Variants in RUFY4 observed in about 807,000 individuals in gnomAD.
RUFY4 encodes the protein RUN and FYVE domain-containing protein 4.
Under a neutral mutation model 69.0 loss-of-function variants are expected in RUFY4, and 73 were observed. The observed-to-expected ratio is 1.06, with a 90% CI of 0.88 to 1.29. RUFY4 has a LOEUF of 1.29. Ranked by LOEUF, RUFY4 falls within the 50% of genes most tolerant of loss-of-function variation. RUFY4 has a pLI of 0.00. For synonymous variants in RUFY4, 287 were observed against 271.8 expected, an observed-to-expected ratio of 1.06 and a Z score of -0.55; for missense variants, 770 against 705.6, an observed-to-expected ratio of 1.09 and a Z score of -1.03.
intron 8 of RUFY4, among the ~76,000 whole-genome samples, chr2:218,079,502 G>T (rs1462985044): frequency 1.3e-5 from 2 of 152,106 alleles, no homozygotes; most frequent in Non-Finnish European, 2.9e-5. Flanking sequence ...TTTTGAACAC[G>T]TTACGTTTGA....
chr2:218,041,930 G>T (rs1314147797), intron 2 of RUFY4, among the ~76,000 whole-genome samples: 2 of 152,220 alleles, frequency 1.3e-5, no homozygotes, highest in Non-Finnish European at 2.9e-5. Context: ...CTCAGTTACT[G>T]CTACTGATGT....
exon 11 of RUFY4, chr2:218,090,053 G>A: frequency 2.0e-6 from 3 of 1,525,400 alleles, no homozygotes; most frequent in East Asian, 5.1e-5. Context: ...CAGGTCACCT[G>A]ACCAAGACCA....
chr2:218,052,860 G>A (rs1435676728), intron 2 of RUFY4, among the ~76,000 whole-genome samples: 1 of 148,304 alleles, frequency 6.7e-6, no homozygotes, highest in Non-Finnish European at 1.5e-5. Flanking sequence ...TCTCAGCTAT[G>A]TAACATTTTA....
intron 7 of RUFY4, 22 bp from the exon 10 acceptor site, chr2:218,076,405 C>T (rs368056489): frequency 4.6e-4 from 716 of 1,547,686 alleles, no homozygotes; most frequent in Non-Finnish European, 5.6e-4. Flanking sequence ...CAGCCTCCTT[C>T]TCCCCTCCTT....
At chr2:218,047,447 A>G (rs1381278404) in intron 2 of RUFY4, among the ~76,000 whole-genome samples, 1 of 152,138 alleles carries the variant, frequency 6.6e-6, no homozygotes, top group Non-Finnish European at 1.5e-5. Flanking sequence ...TTCCGGATCA[A>G]TAAGTCATCT....
chr2:218,075,378 C>G, exon 7 of RUFY4: 1 of 1,613,202 alleles, frequency 6.2e-7, no homozygotes, highest in South Asian at 1.1e-5. Flanking sequence ...ACCCAGCACC[C>G]AGGGACAGGG....
At chr2:218,057,860 GTA>G (rs1689096278) in intron 2 of RUFY4, among the ~76,000 whole-genome samples, 1 of 152,184 alleles carries the variant, frequency 6.6e-6, no homozygotes, top group Non-Finnish European at 1.5e-5. Context: ...TGCATTCACA[GTA>G]TTCCATGGTG....
At chr2:218,064,533 C>T (rs1288142684), upstream of RUFY4, among the ~76,000 whole-genome samples, 4 of 152,102 alleles carry the variant, frequency 2.6e-5, no homozygotes, top group Admixed American at 2.6e-4. Flanking sequence ...GGGGTTGCCC[C>T]AGCTGTAGCA....
chr2:218,049,031 G>A (rs1688887506), intron 2 of RUFY4, among the ~76,000 whole-genome samples: 3 of 152,094 alleles, frequency 2.0e-5, no homozygotes, highest in African/African-American at 7.2e-5. Flanking sequence ...ATGTAATCTT[G>A]CATTTGCCCT....
chr2:218,048,175 T>C (rs931957948), intron 2 of RUFY4, among the ~76,000 whole-genome samples: 2 of 152,222 alleles, frequency 1.3e-5, no homozygotes, highest in African/African-American at 4.8e-5. Flanking sequence ...TGGTTTTGAT[T>C]TGAATTTCTC....
chr2:218,073,855 A>G (rs1283906267), exon 6 of RUFY4: 1 of 1,613,668 alleles, frequency 6.2e-7, no homozygotes, highest in Non-Finnish European at 8.5e-7. Context: ...AGGGAAGGAG[A>G]CCCAGAAAAA....
At chr2:218,067,862 C>T (rs370108987), upstream of RUFY4, among the ~76,000 whole-genome samples, 1 of 152,200 alleles carries the variant, frequency 6.6e-6, no homozygotes, top group African/African-American at 2.4e-5. Context: ...CCCCCTCATC[C>T]GTGTCAAAGC....
chr2:218,066,286 G>A (rs1358507193), upstream of RUFY4, among the ~76,000 whole-genome samples: 1 of 149,374 alleles, frequency 6.7e-6, no homozygotes, highest in Non-Finnish European at 1.5e-5. Context: ...CAGGTTCAAG[G>A]GATTCTCCTG....
chr2:218,060,577 G>A, intron 3 of RUFY4: 1 of 1,326,554 alleles, frequency 7.5e-7, no homozygotes, highest in Non-Finnish European at 1.1e-6. Flanking sequence ...GGTCTCATTG[G>A]TCATCTGGGT....
At chr2:218,048,846 G>T (rs143102529) in intron 2 of RUFY4, among the ~76,000 whole-genome samples, 28 of 152,134 alleles carry the variant, frequency 1.8e-4, no homozygotes, top group African/African-American at 5.8e-4. Context: ...AATATAAAAC[G>T]CCTCTGGATT....
At chr2:218,051,105 G>A (rs907424341) in intron 2 of RUFY4, among the ~76,000 whole-genome samples, 2 of 152,004 alleles carry the variant, frequency 1.3e-5, no homozygotes, top group Non-Finnish European at 2.9e-5. Context: ...AGACTGCTAG[G>A]CCCAAGCAAT....
exon 7 of RUFY4, chr2:218,075,460 C>A: frequency 6.2e-7 from 1 of 1,607,966 alleles, no homozygotes; most frequent in Non-Finnish European, 8.5e-7. Flanking sequence ...CTGCTGGTTG[C>A]AGAGGGTCAG....
intron 3 of RUFY4, 93 bp from the exon 6 acceptor site, chr2:218,072,686 C>A: frequency 1.5e-6 from 2 of 1,294,380 alleles, no homozygotes; most frequent in Non-Finnish European, 1.0e-6. Context: ...GCACCCTTCC[C>A]ATTGCCAAGC....
intron 9 of RUFY4, among the ~76,000 whole-genome samples, chr2:218,085,040 C>T (rs966317976): frequency 6.6e-6 from 1 of 152,064 alleles, no homozygotes; most frequent in Non-Finnish European, 1.5e-5. Flanking sequence ...AAGAGTGAAA[C>T]TCCATCTCAA....
Sources: gnomAD v4.1 joint callset for allele counts (sites outside exome capture counted in the v4.1 genomes callset) on GRCh38, gnomAD v4.1.1 for gene constraint, MANE v1.5 for transcripts, NCBI Gene and HGNC (gene_info 2026-07-23, HGNC 2026-07-21) for gene names.